Variants in CELF2 observed in about 807,000 individuals in gnomAD.
CELF2 encodes the protein CUG triplet repeat RNA-binding protein 2.
CELF2 carries 8 observed loss-of-function variants against 62.6 expected under a neutral mutation model. The ratio of observed to expected loss-of-function variants is 0.13; its 90% CI spans 0.07 to 0.23. The LOEUF (loss-of-function observed/expected upper bound fraction) is 0.23. Among genes scored for constraint, CELF2 ranks in the 10% least tolerant of loss-of-function variants. CELF2 has a pLI of 1.00. For synonymous variants in CELF2, 258 were observed against 250.0 expected, an observed-to-expected ratio of 1.03 and a Z score of -0.30; for missense variants, 333 against 671.0, an observed-to-expected ratio of 0.50 and a Z score of 5.56.
chr10:10,509,214 C>G, the CELF2 span, among the ~76,000 whole-genome samples: 1 of 152,278 alleles, frequency 6.6e-6, no homozygotes, highest in East Asian at 1.9e-4. Flanking sequence ...TTGGAAAGGA[C>G]TGGATATTAC....
intron 2 of CELF2, among the ~76,000 whole-genome samples, chr10:10,920,220 T>C (rs771745024): frequency 6.6e-6 from 1 of 152,240 alleles, no homozygotes; most frequent in African/African-American, 2.4e-5. Flanking sequence ...TGACTTAGAT[T>C]ATTCACATTC....
chr10:11,327,009 A>C (rs1227285712), intron 12 of CELF2, among the ~76,000 whole-genome samples: 3 of 152,136 alleles, frequency 2.0e-5, no homozygotes, highest in African/African-American at 7.2e-5. Context: ...CTAAGGTCTA[A>C]TTTGTGCTAT....
chr10:11,048,386 A>G (rs952555419), intron 1 of CELF2, among the ~76,000 whole-genome samples: 3 of 152,234 alleles, frequency 2.0e-5, no homozygotes, highest in Admixed American at 6.5e-5. Flanking sequence ...ATATAAAAGT[A>G]GTGAGAGATG....
chr10:10,903,034 GA>G (rs1281815015), intron 1 of CELF2, among the ~76,000 whole-genome samples: 3 of 152,100 alleles, frequency 2.0e-5, no homozygotes, highest in Non-Finnish European at 4.4e-5. Flanking sequence ...TGAAAGAAGG[GA>G]AATTTCAGCT....
At chr10:10,670,477 G>T in the CELF2 span, among the ~76,000 whole-genome samples, 1 of 152,100 alleles carries the variant, frequency 6.6e-6, no homozygotes, top group African/African-American at 2.4e-5. Flanking sequence ...GGACAAAAAG[G>T]TACAAAGAAT....
the CELF2 span, among the ~76,000 whole-genome samples, chr10:10,498,934 C>T: frequency 1.3e-5 from 2 of 152,128 alleles, no homozygotes; most frequent in African/African-American, 4.8e-5. Context: ...GGCATTTTTC[C>T]AGCTCTGCCT....
intron 1 of CELF2, among the ~76,000 whole-genome samples, chr10:11,103,946 C>T (rs2052613939): frequency 6.6e-6 from 1 of 151,612 alleles, no homozygotes; most frequent in Non-Finnish European, 1.5e-5. Context: ...TTTACCCTTT[C>T]CTGAAATGGG....
chr10:11,140,042 C>T (rs2061072297), intron 1 of CELF2, among the ~76,000 whole-genome samples: 1 of 152,074 alleles, frequency 6.6e-6, no homozygotes, highest in African/African-American at 2.4e-5. Context: ...GTAAAATAGA[C>T]ATTTTTAGTT....
chr10:10,706,128 A>G, the CELF2 span, among the ~76,000 whole-genome samples: 1 of 151,998 alleles, frequency 6.6e-6, no homozygotes, highest in Non-Finnish European at 1.5e-5. Context: ...ATCCCTGACT[A>G]TTTTAGTCTC....
chr10:10,696,829 C>T, the CELF2 span, among the ~76,000 whole-genome samples: 1 of 152,220 alleles, frequency 6.6e-6, no homozygotes, highest in Admixed American at 6.5e-5. Context: ...CAATGCCTTG[C>T]CCTGCTTCGG....
At position 11,157,394 on chromosome 10, in the gene CELF2, A is replaced by G. The variant is rs11256998; in HGVS notation, c.75-8092A>G. Among the ~76,000 whole-genome samples the G allele has an allele frequency of 3.2e-5, 4 of 126,262 alleles. No individual in the cohort carries two copies. The highest frequency in any genetic ancestry group is 5.9e-4 in the South Asian group (2 of 3,390). The allele number at this position is 126,262 out of a possible 152,430, so 82.8% of individuals were successfully genotyped here. On this transcript the variant is annotated intron_variant, in intron 1 of 12. Transcript: ENST00000633077. This position sits in a 1 kb window ranked among gnomAD's most constrained non-coding sequence, Gnocchi z 4.9. ...TGACTTTGATATCCGCCCTCCCCCC[A>G]CACACACACACACAAAAATTTCACT...
intron 1 of CELF2, among the ~76,000 whole-genome samples, chr10:11,052,845 G>A (rs1215858864): frequency 6.6e-6 from 1 of 152,196 alleles, no homozygotes; most frequent in East Asian, 1.9e-4. Context: ...ACTGGAACCA[G>A]TAAATCATGT....
chr10:10,610,629 G>A, the CELF2 span, among the ~76,000 whole-genome samples: 6,624 of 152,188 alleles, frequency 0.044, 423 homozygotes, highest in African/African-American at 0.14. Flanking sequence ...TAAAGAAAGC[G>A]GGTTTTCTTT....
At chr10:10,582,616 A>G in the CELF2 span, among the ~76,000 whole-genome samples, 28 of 152,164 alleles carry the variant, frequency 1.8e-4, no homozygotes, top group Non-Finnish European at 3.7e-4. Flanking sequence ...TCAGTCCTGC[A>G]TATTCTTTCT....
chr10:11,203,629 G>T (rs1330181840), intron 2 of CELF2, among the ~76,000 whole-genome samples: 1 of 152,146 alleles, frequency 6.6e-6, no homozygotes, highest in African/African-American at 2.4e-5. Flanking sequence ...CTGGAAGCAA[G>T]AACTTAAACC....
At position 11,243,447 on chromosome 10, in the gene CELF2, A is replaced by G. The variant is rs1203477311; in HGVS notation, c.355-5706A>G. Among the ~76,000 whole-genome samples the G allele has an allele frequency of 1.3e-5, 2 of 152,084 alleles. No individual in the cohort carries two copies. The highest frequency in any genetic ancestry group is 2.9e-5 in the Non-Finnish European group (2 of 68,026). On this transcript the variant is annotated intron_variant, in intron 3 of 12. Coordinates refer to ENST00000633077, the MANE Select transcript of CELF2 (RefSeq NM_001326342.2). The surrounding 1 kb of genome is among the most constrained non-coding windows in gnomAD (Gnocchi z 4.1). Reference sequence around the variant, plus strand: ...GGTTTAGAAGCCTTTCTTGATAGCAATGTGAACTTGAAGAAATGTGTGACA... The same window carrying G: ...GGTTTAGAAGCCTTTCTTGATAGCAGTGTGAACTTGAAGAAATGTGTGACA...
rs144444236 is a variant in CELF2, at chr10:11,297,516, G to A, written c.976+8964G>A. The stretch of plus-strand genomic sequence containing the variant: ...AGTGTCAGGGGAGCCAAGCAGGATG[G>A]GGCTGGAGGAGGAAAAGGCAGAAAG... On this transcript the variant is annotated intron_variant, in intron 9 of 12. Transcript: ENST00000633077. The surrounding 1 kb of genome is among the most constrained non-coding windows in gnomAD (Gnocchi z 4.4). Among the ~76,000 whole-genome samples the A allele has an allele frequency of 6.6e-6, 1 of 152,226 alleles. No homozygotes were observed. Among genetic ancestry groups the A allele is most frequent in the African/African-American group, 2.4e-5 (1 of 41,518 alleles).
In CELF2 at chr10:11,178,189, C is replaced by T. The variant is rs1588416648; in HGVS notation, c.271+12507C>T. Among the ~76,000 whole-genome samples the T allele has an allele frequency of 6.6e-6, 1 of 152,222 alleles. No individual in the cohort carries two copies. Among genetic ancestry groups the T allele is most frequent in the African/African-American group, 2.4e-5 (1 of 41,464 alleles). ...AAATGCGCGTTCTGTGCCCAGTCCT[C>T]GCTCCCCTTTGCCAACCGGGCTGCT... On this transcript the variant is annotated intron_variant, in intron 2 of 12. Coordinates refer to ENST00000633077, the MANE Select transcript of CELF2 (RefSeq NM_001326342.2). This position sits in a 1 kb window ranked among gnomAD's most constrained non-coding sequence, Gnocchi z 4.3.
At chr10:10,870,733 C>T (rs746406816) in intron 1 of CELF2, among the ~76,000 whole-genome samples, 1 of 152,188 alleles carries the variant, frequency 6.6e-6, no homozygotes, top group African/African-American at 2.4e-5. Context: ...TGGTCTTTAA[C>T]CCACCGCCCG....
Sources: gnomAD v4.1 joint callset for allele counts (sites outside exome capture counted in the v4.1 genomes callset) on GRCh38, gnomAD v4.1.1 for gene constraint, Gnocchi (gnomAD v3.1) non-coding constraint, MANE v1.5 for transcripts, NCBI Gene and HGNC (gene_info 2026-07-23, HGNC 2026-07-21) for gene names.